Variants in ADAM18 observed in about 807,000 individuals in gnomAD.
The protein encoded by ADAM18 is disintegrin and metalloproteinase domain-containing protein 18.
Under a neutral mutation model 94.4 loss-of-function variants are expected in ADAM18, and 117 were observed. The observed-to-expected ratio is 1.24, with a 90% CI of 1.07 to 1.45. The LOEUF is 1.45. Ranked by LOEUF, ADAM18 falls within the 40% of genes most tolerant of loss-of-function variation. The probability of loss-of-function intolerance (pLI) is 0.00; values close to 1 mark genes in which losing one functional copy is unlikely to be tolerated. For synonymous variants in ADAM18, 327 were observed against 291.6 expected (o/e 1.12, Z -1.24); for missense variants, 936 against 880.0 (o/e 1.06, Z -0.81).
intron 6 of ADAM18, among the ~76,000 whole-genome samples, chr8:39,623,669 T>C (rs1429702913): frequency 1.3e-5 from 2 of 152,232 alleles, no homozygotes; most frequent in Admixed American, 6.5e-5. Context: ...TGATCTCGGC[T>C]CACTGCAAGC....
intron 10 of ADAM18, among the ~76,000 whole-genome samples, chr8:39,640,233 A>C (rs1372385503): frequency 6.6e-6 from 1 of 152,024 alleles, no homozygotes; most frequent in Admixed American, 6.6e-5. Context: ...CCATGTGTCC[A>C]TGTGTTCTCA....
In ADAM18 at chr8:39,703,201, T is replaced by C. The variant is rs1352062923; in HGVS notation, c.1903-3589T>C. ...TTCTTGTAGAGACCTTTCACCTGCCTAGTTAGCTGTATTCCTAGGTATTTT... is the reference window on the plus strand; with the variant it reads ...TTCTTGTAGAGACCTTTCACCTGCCCAGTTAGCTGTATTCCTAGGTATTTT... On this transcript the variant is annotated intron_variant, in intron 17 of 19. Coordinates refer to ENST00000265707, the MANE Select transcript of ADAM18 (RefSeq NM_014237.3). 2.0e-5 allele frequency among the ~76,000 whole-genome samples: 3 copies of C among 152,294 alleles called. No individual in the cohort carries two copies. The East Asian group carries it at 5.8e-4, about 29-fold the overall frequency.
intron 17 of ADAM18, among the ~76,000 whole-genome samples, chr8:39,699,524 G>A (rs980832003): frequency 6.6e-6 from 1 of 152,080 alleles, no homozygotes; most frequent in Non-Finnish European, 1.5e-5. Flanking sequence ...AGTGAGATGT[G>A]TGGTGTTAAT....
intron 6 of ADAM18, among the ~76,000 whole-genome samples, chr8:39,629,133 T>C (rs1450514861): frequency 6.6e-6 from 1 of 151,958 alleles, no homozygotes; most frequent in Non-Finnish European, 1.5e-5. Context: ...GTTTATGTTT[T>C]TTTTTTCTCA....
intron 19 of ADAM18, among the ~76,000 whole-genome samples, chr8:39,724,775 T>G (rs1822853838): frequency 6.6e-6 from 1 of 151,924 alleles, no homozygotes; most frequent in Non-Finnish European, 1.5e-5. Context: ...CAGTTCAAAA[T>G]ATTCTGTTTT....
intron 14 of ADAM18, 78 bp from the exon 15 acceptor site, chr8:39,677,353 A>C: frequency 8.5e-7 from 1 of 1,176,756 alleles, no homozygotes; most frequent in East Asian, 2.5e-5. Flanking sequence ...TTTGAAATTA[A>C]ATTTCCTTAG....
chr8:39,658,801 G>A (rs1383635907), intron 12 of ADAM18, among the ~76,000 whole-genome samples: 2 of 152,074 alleles, frequency 1.3e-5, no homozygotes, highest in Non-Finnish European at 2.9e-5. Flanking sequence ...ACTGCATTAG[G>A]GAGGGTTGAA....
At chr8:39,625,391 C>G (rs1819731899) in intron 6 of ADAM18, among the ~76,000 whole-genome samples, 1 of 152,084 alleles carries the variant, frequency 6.6e-6, no homozygotes, top group Non-Finnish European at 1.5e-5. Context: ...ATTTTGTAAC[C>G]TGAGACTTTA....
chr8:39,714,002 G>A (rs867740223), intron 18 of ADAM18, among the ~76,000 whole-genome samples: 2 of 152,166 alleles, frequency 1.3e-5, no homozygotes, highest in South Asian at 2.1e-4. Context: ...TATGTTTATT[G>A]TGGCACTATT....
Position 39,621,026 on chromosome 8 carries a change from C to A in ADAM18, c.523-8348C>A, listed in dbSNP as rs553950355. Among the ~76,000 whole-genome samples the A allele has an allele frequency of 7.2e-5, 11 of 151,762 alleles. No individual in the cohort carries two copies. The East Asian group carries it at 2.1e-3, about 29-fold the overall frequency. ...TATGCCAAAAAGACAAGCTACAGAC[C>A]TGGAAAATGTGATAATGGACTGATA... On this transcript the variant is annotated intron_variant, in intron 6 of 19. Coordinates refer to ENST00000265707, the MANE Select transcript of ADAM18 (RefSeq NM_014237.3).
chr8:39,692,454 G>A, intron 16 of ADAM18, 146 bp from the exon 17 acceptor site: 1 of 415,282 alleles, frequency 2.4e-6, no homozygotes. Flanking sequence ...TTAAGATAAT[G>A]TTAATCATAT....
At chr8:39,629,288 T>C (rs1819864666) in intron 6 of ADAM18, 86 bp from the exon 7 acceptor site, 3 of 1,018,794 alleles carry the variant, frequency 2.9e-6, no homozygotes, top group Non-Finnish European at 2.9e-6. Flanking sequence ...TTATATGCAA[T>C]TTTTCGCTGT....
chr8:39,723,999 C>T, intron 19 of ADAM18, 92 bp downstream of exon 19: 1 of 746,788 alleles, frequency 1.3e-6, no homozygotes, highest in African/African-American at 1.9e-5. Flanking sequence ...TATATTAATT[C>T]TTAAATATAC....
intron 6 of ADAM18, among the ~76,000 whole-genome samples, chr8:39,623,334 A>G (rs1442980303): frequency 6.6e-6 from 1 of 152,132 alleles, no homozygotes; most frequent in African/African-American, 2.4e-5. Context: ...TTTTGATATA[A>G]TAATTTCTTT....
chr8:39,714,507 T>G (rs1822513935), intron 18 of ADAM18, among the ~76,000 whole-genome samples: 1 of 152,088 alleles, frequency 6.6e-6, no homozygotes, highest in African/African-American at 2.4e-5. Flanking sequence ...CCAAACTCTA[T>G]GTTGTCTACA....
chr8:39,624,125 A>C (rs1186015378), intron 6 of ADAM18, among the ~76,000 whole-genome samples: 5 of 152,098 alleles, frequency 3.3e-5, no homozygotes, highest in Admixed American at 2.6e-4. Context: ...TCTGATGATT[A>C]CTTCTTTTTC....
intron 12 of ADAM18, among the ~76,000 whole-genome samples, chr8:39,655,648 C>T (rs1820663475): frequency 6.6e-6 from 1 of 151,662 alleles, no homozygotes; most frequent in Admixed American, 6.6e-5. Context: ...AACTAGCCAC[C>T]AAAGCAACAA....
At chr8:39,695,283 C>T (rs868007902) in intron 17 of ADAM18, among the ~76,000 whole-genome samples, 2 of 151,480 alleles carry the variant, frequency 1.3e-5, no homozygotes, top group Non-Finnish European at 3.0e-5. Flanking sequence ...ATAATAGCAG[C>T]ATGTTTGTTT....
At chr8:39,701,952 C>T (rs974554283) in intron 17 of ADAM18, among the ~76,000 whole-genome samples, 1 of 152,038 alleles carries the variant, frequency 6.6e-6, no homozygotes, top group Non-Finnish European at 1.5e-5. Context: ...TGCACATATG[C>T]CTGCATGTGT....
Sources: gnomAD v4.1 joint callset for allele counts (sites outside exome capture counted in the v4.1 genomes callset) on GRCh38, gnomAD v4.1.1 for gene constraint, MANE v1.5 for transcripts, NCBI Gene and HGNC (gene_info 2026-07-23, HGNC 2026-07-21) for gene names.